Variants in C17orf67 observed in about 807,000 individuals in gnomAD.
The protein encoded by C17orf67 is uncharacterized protein C17orf67.
C17orf67 carries 12 observed loss-of-function variants against 11.2 expected under a neutral mutation model. That is an observed-to-expected ratio of 1.07 (90% CI 0.68 to 1.73). The LOEUF is 1.73. Among genes scored for constraint, C17orf67 ranks in the 40% most tolerant of loss-of-function variants. C17orf67 has a pLI of 0.00. For synonymous variants in C17orf67, 59 were observed against 46.9 expected, an observed-to-expected ratio of 1.26 and a Z score of -1.05; for missense variants, 115 against 113.5, an observed-to-expected ratio of 1.01 and a Z score of -0.06.
At chr17:56,809,743 A>C (rs962992496) in intron 6 of C17orf67, among the ~76,000 whole-genome samples, 1 of 137,144 alleles carries the variant, frequency 7.3e-6, no homozygotes, top group African/African-American at 2.8e-5. Flanking sequence ...CCCTCTACAC[A>C]CATACACCCT....
chr17:56,804,573 AT>A (rs950640277), intron 6 of C17orf67, among the ~76,000 whole-genome samples: 2 of 152,198 alleles, frequency 1.3e-5, no homozygotes, highest in African/African-American at 2.4e-5. Flanking sequence ...TACTACATAC[AT>A]TTGTCAAAGA....
At chr17:56,808,111 C>T (rs537515960) in intron 6 of C17orf67, among the ~76,000 whole-genome samples, 1 of 152,158 alleles carries the variant, frequency 6.6e-6, no homozygotes, top group African/African-American at 2.4e-5. Flanking sequence ...ATTCTCATAA[C>T]CAATTTCTCT....
At chr17:56,796,420 G>A (rs2144110857) in intron 6 of C17orf67, among the ~76,000 whole-genome samples, 1 of 152,314 alleles carries the variant, frequency 6.6e-6, no homozygotes, top group Non-Finnish European at 1.5e-5. Context: ...AGAACATTAT[G>A]CTAAGTGACA....
rs1424654857 is a variant in C17orf67 at position 56,792,201 on chromosome 17, A to AGT, written c.*170_*171dup. 6.6e-6 allele frequency: 1 copy of AGT among 152,246 alleles called. No individual in the cohort carries two copies. Among genetic ancestry groups the AGT allele is most frequent in the Non-Finnish European group, 1.5e-5 (1 of 68,042 alleles). 9.4% of individuals were successfully genotyped at this position (152,246 alleles called of 1,614,324 possible). A position where few individuals can be genotyped will look rare whatever the true frequency, so the allele number is the denominator to read the frequency against. ...TCTATGCAGGTTAGTAAAATGAAGC[A>AGT]GTATATATATTTGCCATTTCCAAGG... On this transcript the variant is annotated 3_prime_UTR_variant, in exon 8 of 8. Coordinates refer to ENST00000397861, the MANE Select transcript of C17orf67 (RefSeq NM_001085430.4).
In C17orf67 at chr17:56,825,154, C is replaced by T. The variant is rs183093583; in HGVS notation, c.-389G>A. ...GACTTCAGAGACCTGGTCAGGACCA[C>T]AGAATCTATATTTTAAAATGATGCT... On this transcript the variant is annotated 5_prime_UTR_variant, in exon 3 of 8. It adds an upstream start codon to the 5' untranslated region. Coordinates refer to ENST00000397861, the MANE Select transcript of C17orf67 (RefSeq NM_001085430.4). 1 of 152,288 alleles carries T rather than the reference C, an allele frequency of 6.6e-6. No homozygotes were observed. Among genetic ancestry groups the T allele is most frequent in the African/African-American group, 2.4e-5 (1 of 41,566 alleles). The allele number at this position is 152,288 out of a possible 1,614,324, so 9.4% of individuals were successfully genotyped here.
chr17:56,809,735 C>T (rs1905551594), intron 6 of C17orf67, among the ~76,000 whole-genome samples: 1 of 145,948 alleles, frequency 6.9e-6, no homozygotes, highest in African/African-American at 2.5e-5. Context: ...CCTCACACCC[C>T]TCTACACACA....
chr17:56,797,183 C>G lies in C17orf67; in HGVS notation c.157-2003G>C, dbSNP rs568190494. 5.3e-5 allele frequency among the ~76,000 whole-genome samples: 8 copies of G among 152,284 alleles called. No homozygotes were observed. In the East Asian group the frequency reaches 1.5e-3, roughly 29 times the overall value. ...CCTGAAGAGACTTTAATGAAGGGAACATTCATAGCCATGTGAGTAGGGTTA... is the reference window on the plus strand; with the variant it reads ...CCTGAAGAGACTTTAATGAAGGGAAGATTCATAGCCATGTGAGTAGGGTTA... On this transcript the variant is annotated intron_variant, in intron 6 of 7. Coordinates refer to ENST00000397861, the MANE Select transcript of C17orf67 (RefSeq NM_001085430.4).
intron 4 of C17orf67, among the ~76,000 whole-genome samples, chr17:56,822,607 C>T (rs770072995): frequency 6.6e-6 from 1 of 152,196 alleles, no homozygotes; most frequent in Non-Finnish European, 1.5e-5. Context: ...ATTTCTCCTC[C>T]TTCTCTATGC....
rs1005501054 is a variant in C17orf67 at position 56,815,106 on chromosome 17, A to T, written c.56-137T>A. The T allele has an allele frequency of 6.8e-6, 5 of 736,860 alleles. No homozygotes were observed. In the African/African-American group the frequency reaches 8.7e-5, roughly 13 times the overall value. 45.6% of individuals were successfully genotyped at this position (736,860 alleles called of 1,614,324 possible). ...GTTCTTTCCCGGGGACCTGTCCCAA[A>T]GGATGCAGCATTCCAGAGGGCTCAG... is the stretch of plus-strand genomic sequence containing the variant. On this transcript the variant is annotated intron_variant, in intron 5 of 7. Coordinates refer to ENST00000397861, the MANE Select transcript of C17orf67 (RefSeq NM_001085430.4).
At chr17:56,813,038 AG>A (rs1171251406) in intron 6 of C17orf67, among the ~76,000 whole-genome samples, 2 of 152,182 alleles carry the variant, frequency 1.3e-5, no homozygotes, top group African/African-American at 2.4e-5. Flanking sequence ...AGAAAATGTC[AG>A]GGGGCAGATG....
rs145553393 is a variant in C17orf67 at position 56,817,411 on chromosome 17, T to C, written c.-200-1401A>G. On this transcript the variant is annotated intron_variant, in intron 4 of 7. Coordinates refer to ENST00000397861, the MANE Select transcript of C17orf67 (RefSeq NM_001085430.4). ...CAAGAAAAAAAAGATCATGCAATGT[T>C]AGCAAAGTTGTCTCACATGTTCATT... Among the ~76,000 whole-genome samples, 763 of 152,322 alleles carry C rather than the reference T, an allele frequency of 5.0e-3. 4 individuals are homozygous for C. Among genetic ancestry groups the C allele is most frequent in the Middle Eastern group, 0.044 (13 of 294 alleles).
intron 7 of C17orf67, 24 bp downstream of exon 7, chr17:56,795,020 T>C (rs1196839181): frequency 1.3e-6 from 2 of 1,529,294 alleles, no homozygotes; most frequent in African/African-American, 2.8e-5. Flanking sequence ...CAGACAGAGG[T>C]CCGGGAGAGA....
intron 6 of C17orf67, among the ~76,000 whole-genome samples, chr17:56,810,768 C>G (rs1282159573): frequency 6.6e-6 from 1 of 152,248 alleles, no homozygotes; most frequent in East Asian, 1.9e-4. Flanking sequence ...CTTATCGGCT[C>G]CTCACCACCC....
At chr17:56,810,673 C>A (rs1316256659) in intron 6 of C17orf67, among the ~76,000 whole-genome samples, 1 of 152,220 alleles carries the variant, frequency 6.6e-6, no homozygotes, top group African/African-American at 2.4e-5. Flanking sequence ...AGCCTCTGAA[C>A]TCCCTCCTTC....
At chr17:56,817,530 C>T (rs1384414748) in intron 4 of C17orf67, among the ~76,000 whole-genome samples, 3 of 152,098 alleles carry the variant, frequency 2.0e-5, no homozygotes, top group African/African-American at 7.2e-5. Flanking sequence ...AATCACAGCC[C>T]ACTACAGCCT....
intron 6 of C17orf67, among the ~76,000 whole-genome samples, chr17:56,807,327 G>A (rs962878293): frequency 7.9e-5 from 12 of 152,334 alleles, no homozygotes; most frequent in East Asian, 5.8e-4. Context: ...CAAAACTAAC[G>A]TGTACTGGTT....
chr17:56,806,089 C>T (rs1336347418), intron 6 of C17orf67, among the ~76,000 whole-genome samples: 1 of 150,474 alleles, frequency 6.6e-6, no homozygotes, highest in East Asian at 2.0e-4. Flanking sequence ...ATTCCCCTGC[C>T]TCAGCCTCCC....
Position 56,809,844 on chromosome 17 carries a change from C to T in C17orf67, c.156+5025G>A, listed in dbSNP as rs550947671. Among the ~76,000 whole-genome samples, 514 of 141,620 alleles carry T rather than the reference C, an allele frequency of 3.6e-3. 1 individual carries two copies. The highest frequency in any genetic ancestry group is 5.2e-3 in the Non-Finnish European group (335 of 64,918). 92.9% of individuals were successfully genotyped at this position (141,620 alleles called of 152,430 possible). ...CTCACACACTCACACACCCCTTACA[C>T]ATACACCCTCACACACACCTGCACC... On this transcript the variant is annotated intron_variant, in intron 6 of 7. Transcript: ENST00000397861.
At chr17:56,798,643 C>T (rs977962946) in intron 6 of C17orf67, among the ~76,000 whole-genome samples, 7 of 146,662 alleles carry the variant, frequency 4.8e-5, no homozygotes, top group African/African-American at 1.5e-4. Flanking sequence ...GCCTGGGCGA[C>T]GTGGTGAAAC....
Sources: allele counts gnomAD v4.1 joint callset (sites outside exome capture counted in the v4.1 genomes callset), GRCh38; gene constraint gnomAD v4.1.1; transcripts MANE v1.5; gene names NCBI Gene and HGNC (gene_info 2026-07-23, HGNC 2026-07-21).